The following CCNY variants were observed in gnomAD, a reference collection of about 807,000 sequenced individuals.
CCNY encodes cyclin-Y.
Under a neutral mutation model 42.8 loss-of-function variants are expected in CCNY, and 19 were observed. The ratio of observed to expected loss-of-function variants is 0.44; its 90% CI spans 0.31 to 0.65. CCNY has a LOEUF of 0.65. CCNY is among the 30% of genes least tolerant of loss of function. The pLI, the probability that CCNY is intolerant of heterozygous loss-of-function variation, is 0.07. For synonymous variants in CCNY, 165 were observed against 162.7 expected, an observed-to-expected ratio of 1.01 and a Z score of -0.11; for missense variants, 370 against 437.3, an observed-to-expected ratio of 0.85 and a Z score of 1.37.
At chr10:35,249,071 A>G (rs2095710095) in intron 2 of CCNY, among the ~76,000 whole-genome samples, 1 of 151,912 alleles carries the variant, frequency 6.6e-6, no homozygotes, top group East Asian at 1.9e-4. Flanking sequence ...CCTCAACCCC[A>G]ACAGGTGCAT....
At chr10:35,563,443 C>A (rs935069162) in intron 8 of CCNY, among the ~76,000 whole-genome samples, 1 of 152,156 alleles carries the variant, frequency 6.6e-6, no homozygotes, top group East Asian at 1.9e-4. Flanking sequence ...TTTCTTCTTA[C>A]TATTGGGAGA....
At chr10:35,439,670 G>A (rs1002994367) in intron 1 of CCNY, among the ~76,000 whole-genome samples, 5 of 150,688 alleles carry the variant, frequency 3.3e-5, no homozygotes, top group African/African-American at 9.7e-5. Flanking sequence ...TCTTCATTTC[G>A]TACAGCTTGA....
At chr10:35,483,878 GT>G (rs1275308497) in intron 2 of CCNY, among the ~76,000 whole-genome samples, 1 of 152,204 alleles carries the variant, frequency 6.6e-6, no homozygotes, top group Admixed American at 6.5e-5. Context: ...AACTAGCTCT[GT>G]TGTGTCAGTT....
intron 3 of CCNY, among the ~76,000 whole-genome samples, chr10:35,272,895 A>T (rs1835189366): frequency 6.6e-6 from 1 of 150,728 alleles, no homozygotes; most frequent in African/African-American, 2.4e-5. Context: ...ACATTGTATA[A>T]GTGTTCCTTT....
At chr10:35,395,161 C>T (rs572567208) in intron 1 of CCNY, among the ~76,000 whole-genome samples, 1 of 152,312 alleles carries the variant, frequency 6.6e-6, no homozygotes, top group Non-Finnish European at 1.5e-5. Context: ...CCTGCGGTCT[C>T]ACTACCTGGG....
intron 4 of CCNY, among the ~76,000 whole-genome samples, chr10:35,524,641 A>G (rs1444009870): frequency 1.3e-5 from 2 of 152,232 alleles, no homozygotes; most frequent in African/African-American, 2.4e-5. Flanking sequence ...GGCCTCCTCA[A>G]TACATTTTAA....
chr10:35,510,990 A>C (rs2135401751), intron 3 of CCNY, among the ~76,000 whole-genome samples: 1 of 152,332 alleles, frequency 6.6e-6, no homozygotes, highest in African/African-American at 2.4e-5. Flanking sequence ...TGTCTCGTCC[A>C]CATGAACTTG....
At chr10:35,494,244 C>CT (rs898491097) in intron 2 of CCNY, among the ~76,000 whole-genome samples, 1 of 147,488 alleles carries the variant, frequency 6.8e-6, no homozygotes, top group Admixed American at 6.7e-5. Flanking sequence ...ACCCCCCCCC[C>CT]CATTTCTACA....
intron 4 of CCNY, among the ~76,000 whole-genome samples, chr10:35,520,006 C>G (rs1258111927): frequency 2.0e-5 from 3 of 152,068 alleles, no homozygotes; most frequent in Non-Finnish European, 4.4e-5. Flanking sequence ...CTCAAGCAAT[C>G]TACCCACCTT....
intron 1 of CCNY, among the ~76,000 whole-genome samples, chr10:35,456,200 T>C (rs752233089): frequency 2.0e-5 from 3 of 152,176 alleles, no homozygotes; most frequent in Non-Finnish European, 2.9e-5. Flanking sequence ...ACCAGTGTTA[T>C]GGAGAGATAC....
intron 1 of CCNY, among the ~76,000 whole-genome samples, chr10:35,368,851 G>A (rs1474032292): frequency 6.6e-6 from 1 of 152,044 alleles, no homozygotes; most frequent in Admixed American, 6.5e-5. Context: ...TTCTTAACCG[G>A]TGCTCGGAGG....
At chr10:35,393,741 T>C (rs1483814381) in intron 1 of CCNY, among the ~76,000 whole-genome samples, 1 of 152,158 alleles carries the variant, frequency 6.6e-6, no homozygotes, top group Non-Finnish European at 1.5e-5. Flanking sequence ...GAAGGCATCA[T>C]TGGATGAGTA....
At chr10:35,347,457 T>C (rs912862127) in intron 1 of CCNY, 1 of 981,906 alleles carries the variant, frequency 1.0e-6, no homozygotes, top group Non-Finnish European at 1.2e-6. Flanking sequence ...ATACTCTGCA[T>C]GGGAGTTCTA....
intron 7 of CCNY, among the ~76,000 whole-genome samples, chr10:35,549,081 C>T (rs964041365): frequency 3.3e-5 from 5 of 151,298 alleles, no homozygotes; most frequent in African/African-American, 9.8e-5. Flanking sequence ...GTGCCAACTC[C>T]GTGCCCCTCA....
intron 1 of CCNY, among the ~76,000 whole-genome samples, chr10:35,350,938 C>T (rs781523878): frequency 2.6e-5 from 4 of 152,164 alleles, no homozygotes; most frequent in Non-Finnish European, 5.9e-5. Flanking sequence ...CCAAAAATGT[C>T]AGTTCCTTAG....
intron 3 of CCNY, among the ~76,000 whole-genome samples, chr10:35,295,524 C>T (rs953670173): frequency 6.6e-6 from 1 of 151,862 alleles, no homozygotes; most frequent in Non-Finnish European, 1.5e-5. Flanking sequence ...GAGCCACCGC[C>T]CCCAGCCTCA....
intron 2 of CCNY, among the ~76,000 whole-genome samples, chr10:35,486,474 C>A (rs979669469): frequency 1.3e-5 from 2 of 152,200 alleles, no homozygotes; most frequent in Admixed American, 6.5e-5. Context: ...TTCAGACTCA[C>A]AGTTCCCCAC....
intron 3 of CCNY, among the ~76,000 whole-genome samples, chr10:35,316,083 TTC>T (rs757101642): frequency 4.6e-5 from 7 of 152,152 alleles, no homozygotes; most frequent in Non-Finnish European, 8.8e-5. Flanking sequence ...TTATAAAATC[TTC>T]TTTTACAATG....
At chr10:35,357,061 A>G (rs564396390) in intron 1 of CCNY, among the ~76,000 whole-genome samples, 1 of 152,000 alleles carries the variant, frequency 6.6e-6, no homozygotes, top group South Asian at 2.1e-4. Context: ...TCTGCCCTGC[A>G]TGCTCTTCCC....
Sources: allele counts gnomAD v4.1 joint callset (sites outside exome capture counted in the v4.1 genomes callset), GRCh38; gene constraint gnomAD v4.1.1; transcripts MANE v1.5; gene names NCBI Gene and HGNC (gene_info 2026-07-23, HGNC 2026-07-21).